Variants in CDKAL1 observed in about 807,000 individuals in gnomAD.
CDKAL1 encodes the protein CDKAL1 threonylcarbamoyladenosine tRNA methylthiotransferase.
Under a neutral mutation model 68.2 loss-of-function variants are expected in CDKAL1, and 32 were observed. The observed-to-expected ratio is 0.47, with a 90% CI of 0.35 to 0.63. The LOEUF (loss-of-function observed/expected upper bound fraction) is 0.63, where lower values mean the gene tolerates loss of function less well. CDKAL1 is among the 30% of genes least tolerant of loss of function. CDKAL1 has a pLI of 0.00. For missense variants in CDKAL1, 606 were observed against 696.7 expected, an observed-to-expected ratio of 0.87 and a Z score of 1.47; for synonymous variants, 234 against 244.3, an observed-to-expected ratio of 0.96 and a Z score of 0.39.
At chr6:20,868,818 T>C (rs1760043348) in intron 9 of CDKAL1, among the ~76,000 whole-genome samples, 1 of 152,208 alleles carries the variant, frequency 6.6e-6, no homozygotes, top group African/African-American at 2.4e-5. Context: ...ACTAGAGTGC[T>C]GAGTTTTCAC....
intron 13 of CDKAL1, among the ~76,000 whole-genome samples, chr6:21,138,597 A>G (rs751358357): frequency 5.9e-5 from 9 of 152,218 alleles, no homozygotes; most frequent in Non-Finnish European, 1.2e-4. Context: ...CAACTGATTC[A>G]TAGTCAGTAC....
intron 9 of CDKAL1, among the ~76,000 whole-genome samples, chr6:20,952,759 T>A (rs963713497): frequency 6.6e-6 from 1 of 152,254 alleles, no homozygotes; most frequent in African/African-American, 2.4e-5. Flanking sequence ...GGTGCTCTGG[T>A]GACTTCATAT....
chr6:21,206,365 G>A (rs1778937848), intron 15 of CDKAL1, among the ~76,000 whole-genome samples: 1 of 152,084 alleles, frequency 6.6e-6, no homozygotes, highest in African/African-American at 2.4e-5. Context: ...GTCTCTCTTA[G>A]GAATATGCGA....
chr6:20,663,090 A>G (rs1233302577), intron 5 of CDKAL1, among the ~76,000 whole-genome samples: 1 of 152,152 alleles, frequency 6.6e-6, no homozygotes, highest in Admixed American at 6.6e-5. Flanking sequence ...TGGAAGTACC[A>G]AACTGGATGT....
chr6:20,952,199 C>T (rs1024788720), intron 9 of CDKAL1, among the ~76,000 whole-genome samples: 2 of 152,162 alleles, frequency 1.3e-5, no homozygotes, highest in Non-Finnish European at 2.9e-5. Flanking sequence ...ACCTCGTGAT[C>T]TGCCTGCCTC....
intron 5 of CDKAL1, among the ~76,000 whole-genome samples, chr6:20,719,079 C>T (rs1051974458): frequency 2.6e-5 from 4 of 152,184 alleles, no homozygotes; most frequent in Non-Finnish European, 5.9e-5. Context: ...AAGTTGAGGT[C>T]TCTGGACAGT....
At chr6:20,619,728 A>C (rs1267962094) in intron 4 of CDKAL1, among the ~76,000 whole-genome samples, 1 of 152,190 alleles carries the variant, frequency 6.6e-6, no homozygotes, top group Non-Finnish European at 1.5e-5. Context: ...GCTGAATCTC[A>C]TACATATTTG....
intron 8 of CDKAL1, among the ~76,000 whole-genome samples, chr6:20,789,738 A>G (rs1775819563): frequency 6.6e-6 from 1 of 152,246 alleles, no homozygotes; most frequent in Non-Finnish European, 1.5e-5. Flanking sequence ...AAACCATTAA[A>G]GCAATCTTAG....
intron 4 of CDKAL1, among the ~76,000 whole-genome samples, chr6:20,570,676 C>G (rs968614596): frequency 1.3e-5 from 2 of 152,314 alleles, no homozygotes; most frequent in East Asian, 3.9e-4. Flanking sequence ...GCTGGGATTA[C>G]AGGTGTGCAC....
intron 12 of CDKAL1, among the ~76,000 whole-genome samples, chr6:21,085,992 TG>T (rs1331295725): frequency 2.0e-5 from 3 of 152,182 alleles, no homozygotes; most frequent in African/African-American, 7.2e-5. Context: ...CAAGAGAAGT[TG>T]AAGGAAGAAT....
chr6:21,094,408 G>T (rs1437237057), intron 12 of CDKAL1, among the ~76,000 whole-genome samples: 1 of 152,158 alleles, frequency 6.6e-6, no homozygotes, highest in Non-Finnish European at 1.5e-5. Flanking sequence ...CATATACATG[G>T]ATAACTGATT....
At chr6:21,108,252 T>G in intron 12 of CDKAL1, 149 bp from the exon 13 acceptor site, 1 of 588,562 alleles carries the variant, frequency 1.7e-6, no homozygotes, top group Non-Finnish European at 2.9e-6. Flanking sequence ...CCCTGTGTCT[T>G]CTCAGCCTCC....
intron 12 of CDKAL1, among the ~76,000 whole-genome samples, chr6:21,068,067 C>T (rs1339996198): frequency 6.6e-6 from 1 of 152,078 alleles, no homozygotes; most frequent in East Asian, 1.9e-4. Flanking sequence ...GGATTTACAA[C>T]CCGCCCTTAC....
chr6:20,551,037 T>TTTG (rs1471437629), intron 4 of CDKAL1, among the ~76,000 whole-genome samples: 1 of 151,648 alleles, frequency 6.6e-6, no homozygotes, highest in African/African-American at 2.4e-5. Flanking sequence ...GGCTAATTTT[T>TTTG]CATATTTTTA....
intron 12 of CDKAL1, among the ~76,000 whole-genome samples, chr6:21,093,692 TGC>T (rs1210657004): frequency 1.5e-5 from 2 of 133,482 alleles, no homozygotes; most frequent in African/African-American, 5.5e-5. Context: ...CTGCTGCTGC[TGC>T]TTTTTTTTTT....
At chr6:20,903,870 C>T (rs1309040062) in intron 9 of CDKAL1, among the ~76,000 whole-genome samples, 1 of 152,210 alleles carries the variant, frequency 6.6e-6, no homozygotes, top group East Asian at 1.9e-4. Context: ...AACTAGACAA[C>T]AAATGCACTG....
intron 4 of CDKAL1, among the ~76,000 whole-genome samples, chr6:20,617,042 AG>A (rs67932227): frequency 0.045 from 6,747 of 149,542 alleles, 549 homozygotes; most frequent in African/African-American, 0.15. Context: ...CTGTCTCAGA[AG>A]AAAAAAAAAA....
intron 8 of CDKAL1, among the ~76,000 whole-genome samples, chr6:20,821,726 T>C (rs1360266381): frequency 6.6e-6 from 1 of 152,142 alleles, no homozygotes; most frequent in Admixed American, 6.5e-5. Flanking sequence ...GGAGATGTAA[T>C]TTGAAGACAA....
At chr6:20,973,301 A>G (rs369805352) in intron 10 of CDKAL1, among the ~76,000 whole-genome samples, 2 of 152,220 alleles carry the variant, frequency 1.3e-5, no homozygotes, top group East Asian at 1.9e-4. Flanking sequence ...ATATAAAGGT[A>G]TCTTTTCTAT....
Sources: gnomAD v4.1 joint callset for allele counts (sites outside exome capture counted in the v4.1 genomes callset) on GRCh38, gnomAD v4.1.1 for gene constraint, MANE v1.5 for transcripts, NCBI Gene and HGNC (gene_info 2026-07-23, HGNC 2026-07-21) for gene names.